The following WWC2 variants were observed in gnomAD, a reference collection of about 807,000 sequenced individuals.
The protein encoded by WWC2 is protein WWC2.
A neutral mutation model predicts 138.5 loss-of-function variants in WWC2; 101 were observed. The observed-to-expected ratio is 0.73, with a 90% CI of 0.62 to 0.86. The LOEUF (loss-of-function observed/expected upper bound fraction) is 0.86. Among genes scored for constraint, WWC2 ranks in the 40% least tolerant of loss-of-function variants. WWC2 has a pLI of 0.00. For synonymous variants in WWC2, 558 were observed against 538.4 expected, an observed-to-expected ratio of 1.04 and a Z score of -0.50; for missense variants, 1,420 against 1,419.4, an observed-to-expected ratio of 1.00 and a Z score of -0.01.
At position 183,261,338 on chromosome 4, in the gene WWC2, C is replaced by T. The variant is rs755163169; in HGVS notation, c.1715C>T (p.Ser572Phe). ...TTGGAAGGCACGTTTCCCATGTCTT[C>T]TTCTCATGATGCCTCTCTCCATCAG... is the stretch of plus-strand genomic sequence containing the variant. The part of the protein sequence containing the change: ...LVLEGTFPMS[S>F]SHDASLHQFT... Residue 572 changes from serine to phenylalanine, a missense_variant, in exon 11 of 23, where the codon TCT (serine) becomes TTT (phenylalanine). Physicochemically the swap from Ser to Phe is radical, Grantham distance 155. Transcript: ENST00000403733. The T allele has an allele frequency of 1.2e-6, 2 of 1,613,452 alleles. No homozygotes were observed. The highest frequency in any genetic ancestry group is 4.5e-5 in the East Asian group (2 of 44,872).
chr4:183,189,502 G>A (rs1187337918), intron 1 of WWC2, among the ~76,000 whole-genome samples: 2 of 151,684 alleles, frequency 1.3e-5, no homozygotes, highest in Admixed American at 1.3e-4. Context: ...GATTCTTTTA[G>A]GACTGTGGAA....
At chr4:183,133,559 C>T (rs1733009084) in intron 1 of WWC2, among the ~76,000 whole-genome samples, 1 of 152,046 alleles carries the variant, frequency 6.6e-6, no homozygotes, top group Non-Finnish European at 1.5e-5. Flanking sequence ...TGCAATGGTG[C>T]GATTTCAGCT....
chr4:183,117,854 G>T (rs541805690), intron 1 of WWC2, among the ~76,000 whole-genome samples: 1 of 151,560 alleles, frequency 6.6e-6, no homozygotes, highest in East Asian at 2.0e-4. Flanking sequence ...AGGCTGGAAT[G>T]CAATGGTGCG....
chr4:183,186,016 C>T (rs1270843171), intron 1 of WWC2, among the ~76,000 whole-genome samples: 2 of 148,832 alleles, frequency 1.3e-5, no homozygotes, highest in Non-Finnish European at 3.0e-5. Flanking sequence ...GGCGCAACCT[C>T]GGCTCACTGC....
At chr4:183,255,176 T>C (rs1246860518) in intron 9 of WWC2, among the ~76,000 whole-genome samples, 1 of 152,212 alleles carries the variant, frequency 6.6e-6, no homozygotes, top group African/African-American at 2.4e-5. Flanking sequence ...TCTGCCCTCT[T>C]AATAATTCTC....
intron 5 of WWC2, among the ~76,000 whole-genome samples, chr4:183,243,672 C>A (rs553994982): frequency 6.6e-6 from 1 of 151,884 alleles, no homozygotes; most frequent in East Asian, 1.9e-4. Flanking sequence ...AAGTTTCTCC[C>A]TTGCCTTCTT....
At chr4:183,264,084 AG>A (rs1418391205) in intron 11 of WWC2, among the ~76,000 whole-genome samples, 1 of 152,158 alleles carries the variant, frequency 6.6e-6, no homozygotes, top group Non-Finnish European at 1.5e-5. Flanking sequence ...CCCTTCACAA[AG>A]GGGGGTGGGC....
At chr4:183,274,757 G>A (rs763749824) in intron 16 of WWC2, among the ~76,000 whole-genome samples, 2 of 152,030 alleles carry the variant, frequency 1.3e-5, no homozygotes, top group African/African-American at 2.4e-5. Flanking sequence ...AAATCAATAA[G>A]TTATATCAGA....
At chr4:183,121,661 A>C (rs1032695364) in intron 1 of WWC2, among the ~76,000 whole-genome samples, 3 of 152,202 alleles carry the variant, frequency 2.0e-5, no homozygotes, top group African/African-American at 7.2e-5. Flanking sequence ...ACCTTTGTCA[A>C]ACATTATATT....
In WWC2 at chr4:183,287,853, A is replaced by G. The variant is rs146060579; in HGVS notation, c.3142-1540A>G. ...CTCTTGCCAGTTAAATCGGAGTGAC[A>G]GTGACATCACAGTCATAGCTTGAAA... On this transcript the variant is annotated intron_variant, in intron 20 of 22. Transcript: ENST00000403733. Among the ~76,000 whole-genome samples, 241 of 152,296 alleles carry G rather than the reference A, an allele frequency of 1.6e-3. 2 individuals are homozygous for G. The highest frequency in any genetic ancestry group is 5.5e-3 in the African/African-American group (230 of 41,556).
chr4:183,235,381 C>G (rs913210646), intron 4 of WWC2, among the ~76,000 whole-genome samples: 4 of 152,092 alleles, frequency 2.6e-5, no homozygotes, highest in African/African-American at 9.7e-5. Context: ...GAGATCTGCC[C>G]TCTTAACAGA....
At chr4:183,268,904 A>G (rs570884219) in intron 14 of WWC2, 67 bp from the exon 15 acceptor site, 2 of 1,440,302 alleles carry the variant, frequency 1.4e-6, no homozygotes, top group South Asian at 2.6e-5. Context: ...GATAATTTCA[A>G]ATGATAGCTG....
At position 183,245,422 on chromosome 4, in the gene WWC2, TA is replaced by T. The variant is rs760401865; in HGVS notation, c.616del (p.Met206CysfsTer17). 5.8e-6 allele frequency: 9 copies of T among 1,553,918 alleles called. No individual in the cohort carries two copies. The highest frequency in any genetic ancestry group is 2.3e-5 in the East Asian group (1 of 43,056). ...TCTTTTTCTCTTTTCACAGAATTGA[TA>T]AAAAAATGTCTGGAGGCCAGAGCGG... Reference protein sequence around the residue: ...QGFETLQQIDKKMSGGQSGYE... With the variant: ...QGFETLQQIDXKMSGGQSGYE... On this transcript the variant is annotated frameshift_variant, in exon 6 of 23. Coordinates refer to ENST00000403733, the MANE Select transcript of WWC2 (RefSeq NM_024949.6). LOFTEE classifies it high-confidence loss of function.
rs193271564 is a variant in WWC2 at position 183,125,066 on chromosome 4, A to C, written c.131+25444A>C. 3.9e-5 allele frequency among the ~76,000 whole-genome samples: 6 copies of C among 152,200 alleles called. No homozygotes were observed. The East Asian group carries it at 1.2e-3, about 29-fold the overall frequency. ...ACCCGGGGCTATGAGGGCTGCTTGT[A>C]ATGTGTGGGACCGATGCAGGAATAA... On this transcript the variant is annotated intron_variant, in intron 1 of 22. Transcript: ENST00000403733.
chr4:183,245,265 A>C, intron 5 of WWC2, 151 bp from the exon 6 acceptor site: 2 of 386,144 alleles, frequency 5.2e-6, no homozygotes, highest in Non-Finnish European at 4.3e-6. Context: ...AGAAAGGAGG[A>C]GAAACTGCCT....
At chr4:183,253,635 T>C (rs1013810512) in intron 8 of WWC2, 122 bp from the exon 9 acceptor site, 33 of 1,205,984 alleles carry the variant, frequency 2.7e-5, no homozygotes, top group Non-Finnish European at 3.5e-5. Flanking sequence ...CACACCTCTT[T>C]CTGGTAAGGT....
chr4:183,253,736 C>A, intron 8 of WWC2, 21 bp from the exon 9 acceptor site: 3 of 1,600,876 alleles, frequency 1.9e-6, no homozygotes, highest in Non-Finnish European at 2.5e-6. Flanking sequence ...GTGCATACCT[C>A]TTCTATCTTT....
chr4:183,252,949 G>A (rs1737023378), intron 8 of WWC2, among the ~76,000 whole-genome samples: 1 of 152,080 alleles, frequency 6.6e-6, no homozygotes, highest in Non-Finnish European at 1.5e-5. Context: ...GGCTCACTGT[G>A]GCCTCAAACT....
At chr4:183,208,816 A>T (rs1735513968) in intron 3 of WWC2, 133 bp from the exon 4 acceptor site, 2 of 615,560 alleles carry the variant, frequency 3.2e-6, no homozygotes, top group South Asian at 4.3e-5. Flanking sequence ...TGTCTGATCA[A>T]TGGCAATAAA....
Sources: gnomAD v4.1 joint callset for allele counts (sites outside exome capture counted in the v4.1 genomes callset) on GRCh38, gnomAD v4.1.1 for gene constraint, MANE v1.5 for transcripts, NCBI Gene and HGNC (gene_info 2026-07-23, HGNC 2026-07-21) for gene names.